The following NELL1 variants were observed in gnomAD, a reference collection of about 807,000 sequenced individuals.
NELL1 encodes protein kinase C-binding protein NELL1.
A neutral mutation model predicts 107.4 loss-of-function variants in NELL1; 76 were observed. That is an observed-to-expected ratio of 0.71 (90% CI 0.59 to 0.86). NELL1 has a LOEUF of 0.86. NELL1 is among the 40% of genes least tolerant of loss of function. The pLI is 0.00. For synonymous variants in NELL1, 353 were observed against 341.2 expected (o/e 1.03, Z -0.38); for missense variants, 1,024 against 1,005.5 (o/e 1.02, Z -0.25).
At chr11:20,688,239 CTTTTA>C (rs915523245) in intron 2 of NELL1, among the ~76,000 whole-genome samples, 1 of 151,804 alleles carries the variant, frequency 6.6e-6, no homozygotes, top group Admixed American at 6.6e-5. Context: ...ATAATTTCAA[CTTTTA>C]TTTTAGATTC....
intron 13 of NELL1, among the ~76,000 whole-genome samples, chr11:21,144,636 A>AT (rs1275766019): frequency 9.9e-5 from 15 of 152,246 alleles, no homozygotes; most frequent in East Asian, 3.9e-4. Context: ...ACAAGTAGAT[A>AT]TTTTTGCACT....
At chr11:21,432,729 T>G (rs949644268) in intron 15 of NELL1, among the ~76,000 whole-genome samples, 2 of 152,174 alleles carry the variant, frequency 1.3e-5, no homozygotes, top group African/African-American at 4.8e-5. Context: ...TAATATTTGT[T>G]TAGTTCACAC....
chr11:21,448,178 C>G (rs190911386), intron 15 of NELL1, among the ~76,000 whole-genome samples: 79 of 152,236 alleles, frequency 5.2e-4, no homozygotes, highest in African/African-American at 1.8e-3. Flanking sequence ...TTCTCACTTG[C>G]TTTTTGGTTC....
intron 17 of NELL1, among the ~76,000 whole-genome samples, chr11:21,562,230 C>T (rs1856866413): frequency 6.6e-6 from 1 of 151,948 alleles, no homozygotes; most frequent in Non-Finnish European, 1.5e-5. Context: ...ATTAATAATC[C>T]AAGCAACGTA....
intron 13 of NELL1, among the ~76,000 whole-genome samples, chr11:21,184,192 T>G (rs908270788): frequency 7.2e-5 from 11 of 151,836 alleles, no homozygotes; most frequent in Non-Finnish European, 1.3e-4. Context: ...ATATCCCACA[T>G]TCCCTCCTAC....
intron 16 of NELL1, among the ~76,000 whole-genome samples, chr11:21,544,437 G>A (rs182402193): frequency 1.6e-3 from 250 of 151,976 alleles, no homozygotes; most frequent in Non-Finnish European, 2.7e-3. Context: ...TAGGTAATTA[G>A]GGAAGAAAGT....
rs192102535 is a variant in NELL1 at position 21,356,544 on chromosome 11, G to T, written c.1550-14309G>T. 8.5e-5 allele frequency among the ~76,000 whole-genome samples: 13 copies of T among 152,278 alleles called. No individual in the cohort carries two copies. The East Asian group carries it at 2.5e-3, about 29-fold the overall frequency. On this transcript the variant is annotated intron_variant, in intron 14 of 19. Transcript: ENST00000357134. Reference sequence around the variant, plus strand: ...ATATCTCCTGCAAATGGGGGGCATTGTCCTCCGCGCAAACACTGTTTTAGA... The same window carrying T: ...ATATCTCCTGCAAATGGGGGGCATTTTCCTCCGCGCAAACACTGTTTTAGA...
At chr11:21,247,369 A>G (rs1858520859) in intron 14 of NELL1, among the ~76,000 whole-genome samples, 2 of 152,166 alleles carry the variant, frequency 1.3e-5, no homozygotes, top group South Asian at 2.1e-4. Flanking sequence ...CACATTGTAC[A>G]TCTCTGTAAA....
intron 15 of NELL1, among the ~76,000 whole-genome samples, chr11:21,406,001 G>A (rs768270134): frequency 6.6e-6 from 1 of 151,976 alleles, no homozygotes; most frequent in Admixed American, 6.6e-5. Flanking sequence ...GAGCCAATAA[G>A]GTTGTATTGG....
chr11:21,096,856 A>G (rs1854655255), intron 12 of NELL1, among the ~76,000 whole-genome samples: 4 of 152,028 alleles, frequency 2.6e-5, no homozygotes, highest in Admixed American at 2.6e-4. Flanking sequence ...GACTACAGGT[A>G]CACGCCACCA....
intron 7 of NELL1, among the ~76,000 whole-genome samples, chr11:20,923,246 G>T (rs761177973): frequency 2.6e-5 from 4 of 152,088 alleles, no homozygotes; most frequent in Non-Finnish European, 4.4e-5. Context: ...CAGCCCAGGG[G>T]TCTGTGTAGG....
At chr11:21,469,859 G>A (rs372306448) in intron 15 of NELL1, among the ~76,000 whole-genome samples, 40 of 152,166 alleles carry the variant, frequency 2.6e-4, no homozygotes, top group South Asian at 1.9e-3. Context: ...TACGTGTTTA[G>A]AAAGAGATTA....
intron 2 of NELL1, among the ~76,000 whole-genome samples, chr11:20,771,726 A>G (rs1315013800): frequency 6.6e-6 from 1 of 152,154 alleles, no homozygotes; most frequent in Non-Finnish European, 1.5e-5. Context: ...GCTTAATACA[A>G]GCTTATTCAG....
chr11:20,922,273 C>G (rs1850396196), intron 7 of NELL1, among the ~76,000 whole-genome samples: 1 of 152,140 alleles, frequency 6.6e-6, no homozygotes, highest in Non-Finnish European at 1.5e-5. Context: ...TTGGTGCTCA[C>G]TTATTTCCTG....
intron 14 of NELL1, among the ~76,000 whole-genome samples, chr11:21,362,277 C>T (rs998152952): frequency 6.6e-6 from 1 of 152,126 alleles, no homozygotes; most frequent in Admixed American, 6.5e-5. Flanking sequence ...TGGTTCTAGC[C>T]ACCCAGCAGA....
chr11:21,502,002 C>G (rs145256823), intron 15 of NELL1, among the ~76,000 whole-genome samples: 115 of 152,218 alleles, frequency 7.6e-4, no homozygotes, highest in African/African-American at 2.2e-3. Context: ...CTTTGAAATC[C>G]TCTGTCCTTG....
At chr11:21,097,870 A>T (rs1854687718) in intron 12 of NELL1, among the ~76,000 whole-genome samples, 1 of 152,198 alleles carries the variant, frequency 6.6e-6, no homozygotes, top group African/African-American at 2.4e-5. Flanking sequence ...GAGGCATAGA[A>T]CAGTGAACTA....
At chr11:20,898,798 T>C (rs11025804) in intron 5 of NELL1, among the ~76,000 whole-genome samples, 87,407 of 151,692 alleles carry the variant, frequency 0.58, 29,934 homozygotes, top group Non-Finnish European at 0.77. Context: ...GGTGATTCCA[T>C]ATTTTTGCTT....
chr11:20,922,548 TTC>T (rs1564968431), intron 7 of NELL1, among the ~76,000 whole-genome samples: 1 of 152,062 alleles, frequency 6.6e-6, no homozygotes, highest in Non-Finnish European at 1.5e-5. Flanking sequence ...GCAAAAAGAA[TTC>T]TATGGCACTA....
Sources: allele counts gnomAD v4.1 joint callset (sites outside exome capture counted in the v4.1 genomes callset), GRCh38; gene constraint gnomAD v4.1.1; transcripts MANE v1.5; gene names NCBI Gene and HGNC (gene_info 2026-07-23, HGNC 2026-07-21).